BAHCC1: variants seen among roughly 807,000 people sequenced by gnomAD.
The protein encoded by BAHCC1 is BAH and coiled-coil domain-containing protein 1.
In BAHCC1, 43 loss-of-function variants were observed where a neutral mutation model predicts 88.2. That is an observed-to-expected ratio of 0.49 (90% CI 0.38 to 0.63). The LOEUF (loss-of-function observed/expected upper bound fraction) is 0.63. BAHCC1 is among the 20% of genes least tolerant of loss of function. The pLI, the probability that BAHCC1 is intolerant of heterozygous loss-of-function variation, is 0.00. For missense variants in BAHCC1, 3,023 were observed against 1,654.8 expected (o/e 1.83, Z -14.34); for synonymous variants, 1,510 against 745.5 (o/e 2.03, Z -16.71).
Position 81,462,012 on chromosome 17 carries a change from G to T in BAHCC1, c.7349G>T (p.Arg2450Leu). The change falls in exon 26 of 28, where the codon CGG becomes CTG. Residue 2450 changes from arginine to leucine, a missense_variant. Arg to Leu is a moderately radical substitution (Grantham distance 102). Coordinates refer to ENST00000675386, the MANE Select transcript of BAHCC1 (RefSeq NM_001377448.1). ...RPKISAFLPA[R>L]QLWKWSGNPT... ...AAGATCTCAGCCTTCCTGCCCGCCCGGCAGCTCTGGAAGTGGTCGGGGAAT... is the reference window on the plus strand; with the variant it reads ...AAGATCTCAGCCTTCCTGCCCGCCCTGCAGCTCTGGAAGTGGTCGGGGAAT... 1 of 778,094 alleles carries T rather than the reference G, an allele frequency of 1.3e-6. No individual in the cohort carries two copies. The allele number at this position is 778,094 out of a possible 1,614,324, so 48.2% of individuals were successfully genotyped here. A position where few individuals can be genotyped will look rare whatever the true frequency, so the allele number is the denominator to read the frequency against.
At position 81,465,723 on chromosome 17, in the gene BAHCC1, C is replaced by G. The variant is rs1359275658; in HGVS notation, c.*1906C>G. On this transcript the variant is annotated 3_prime_UTR_variant, in exon 28 of 28. Transcript: ENST00000675386. ...CTGTTTCTCACCTGCTGGCTGGACC[C>G]CCTGAAGGGCCGTTCCCAGAGGCTC... The G allele has an allele frequency of 6.6e-6, 1 of 152,314 alleles. No individual in the cohort carries two copies. The highest frequency in any genetic ancestry group is 2.4e-5 in the African/African-American group (1 of 41,484). The allele number at this position is 152,314 out of a possible 1,614,324, so 9.4% of individuals were successfully genotyped here.
At chr17:81,432,614 A>ATC (rs2064276843) in intron 3 of BAHCC1, among the ~76,000 whole-genome samples, 3 of 46,138 alleles carry the variant, frequency 6.5e-5, no homozygotes, top group African/African-American at 4.1e-4. Context: ...CTCCGTCCCC[A>ATC]GCCCTGGACC....
intron 11 of BAHCC1, among the ~76,000 whole-genome samples, chr17:81,450,157 C>T (rs1555655485): frequency 6.6e-6 from 1 of 152,136 alleles, no homozygotes; most frequent in African/African-American, 2.4e-5. Flanking sequence ...CTGGGCTTTC[C>T]CAGGGGATAC....
At position 81,395,486 on chromosome 17, in the gene BAHCC1, T is replaced by G. The variant is rs1413939012; in HGVS notation, c.-356T>G. Reference sequence around the variant, plus strand: ...CAGGCTGCAGGTTTGAGAGCCGCTCTGGATGGGCTCGCTAGAGTCGTTGTT... The same window carrying G: ...CAGGCTGCAGGTTTGAGAGCCGCTCGGGATGGGCTCGCTAGAGTCGTTGTT... On this transcript the variant is annotated 5_prime_UTR_variant, in exon 1 of 28. Transcript: ENST00000675386. 1.3e-5 allele frequency: 2 copies of G among 152,264 alleles called. No individual in the cohort carries two copies. The highest frequency in any genetic ancestry group is 2.9e-5 in the Non-Finnish European group (2 of 68,054). The allele number at this position is 152,264 out of a possible 1,614,324, so 9.4% of individuals were successfully genotyped here.
rs1475399320 is a variant in BAHCC1 at position 81,465,346 on chromosome 17, A to T, written c.*1529A>T. 1 of 152,110 alleles carries T rather than the reference A, an allele frequency of 6.6e-6. No homozygotes were observed. The highest frequency in any genetic ancestry group is 1.5e-5 in the Non-Finnish European group (1 of 68,038). 9.4% of individuals were successfully genotyped at this position (152,110 alleles called of 1,614,324 possible). A position where few individuals can be genotyped will look rare whatever the true frequency, so the allele number is the denominator to read the frequency against. ...GGGTCCCCCTGACCACCTGAGCCCA[A>T]ATCCTGGCCCCAGGTGCAAGCAGCA... On this transcript the variant is annotated 3_prime_UTR_variant, in exon 28 of 28. Coordinates refer to ENST00000675386, the MANE Select transcript of BAHCC1 (RefSeq NM_001377448.1).
intron 11 of BAHCC1, among the ~76,000 whole-genome samples, chr17:81,449,594 A>G (rs1757376718): frequency 6.6e-6 from 1 of 151,886 alleles, no homozygotes; most frequent in African/African-American, 2.4e-5. Flanking sequence ...AACTGCAGTG[A>G]CCCCAGGAGA....
chr17:81,404,894 T>C (rs1483120158), intron 2 of BAHCC1, among the ~76,000 whole-genome samples: 1 of 152,188 alleles, frequency 6.6e-6, no homozygotes, highest in African/African-American at 2.4e-5. Flanking sequence ...AATCACTGAA[T>C]GCTGCTTTCA....
At chr17:81,452,950 C>T (rs774467808) in intron 14 of BAHCC1, 99 bp downstream of exon 14, 21 of 613,278 alleles carry the variant, frequency 3.4e-5, no homozygotes, top group African/African-American at 5.9e-5. Context: ...TTCCAGGCTG[C>T]TGGTGCCCCT....
At chr17:81,398,222 G>A (rs1353446128) in intron 1 of BAHCC1, among the ~76,000 whole-genome samples, 2 of 152,216 alleles carry the variant, frequency 1.3e-5, no homozygotes, top group Non-Finnish European at 2.9e-5. Context: ...TCCAGGGAGC[G>A]CCTTCGGAGG....
rs2064367176 is a variant in BAHCC1, at chr17:81,438,444, A to G, written c.433A>G (p.Asn145Asp). Residue 145 changes from asparagine (N) to aspartate (D), a missense_variant, in exon 4 of 28, where the codon AAC (asparagine) becomes GAC (aspartate). Coordinates refer to ENST00000675386, the MANE Select transcript of BAHCC1 (RefSeq NM_001377448.1). ...CGTGAGCCACTTGGATCACCATGGA[A>G]ACAGCAACGTTCTCTATGGGCAGCA... ...LPVSHLDHHG[N>D]SNVLYGQHRF... The G allele has an allele frequency of 1.3e-6, 1 of 777,510 alleles. No homozygotes were observed. The highest frequency in any genetic ancestry group is 1.3e-5 in the South Asian group (1 of 74,114). The allele number at this position is 777,510 out of a possible 1,614,324, so 48.2% of individuals were successfully genotyped here.
Position 81,411,098 on chromosome 17 carries a change from T to C in BAHCC1, c.178+11181T>C, listed in dbSNP as rs781878695. ...CCCTCTCTCTGGGGTCACGCTCCCT[T>C]GTTCTCAGTCCCGCAGCCGTCCTCT... On this transcript the variant is annotated intron_variant, in intron 2 of 27. Coordinates refer to ENST00000675386, the MANE Select transcript of BAHCC1 (RefSeq NM_001377448.1). This position sits in a 1 kb window ranked among gnomAD's most constrained non-coding sequence, Gnocchi z 6.2. 1.9e-6 allele frequency: 1 copy of C among 519,282 alleles called. No individual in the cohort carries two copies. The highest frequency in any genetic ancestry group is 1.4e-5 in the South Asian group (1 of 71,580). 32.2% of individuals were successfully genotyped at this position (519,282 alleles called of 1,614,324 possible).
In BAHCC1 at chr17:81,461,194, C is replaced by T; in HGVS notation, c.6531C>T (p.Pro2177=). The T allele has an allele frequency of 2.7e-6, 2 of 737,626 alleles. No homozygotes were observed. The highest frequency in any genetic ancestry group is 5.0e-6 in the Non-Finnish European group (2 of 402,292). 45.7% of individuals were successfully genotyped at this position (737,626 alleles called of 1,614,324 possible). A position where few individuals can be genotyped will look rare whatever the true frequency, so the allele number is the denominator to read the frequency against. The change falls in exon 26 of 28, where the codon CCC becomes CCT. Residue 2177 remains proline, a synonymous_variant. Coordinates refer to ENST00000675386, the MANE Select transcript of BAHCC1 (RefSeq NM_001377448.1). The part of the protein sequence containing the change: ...PFVGGTGPGL[P]RGAHKLLRAK... ...TCGGGGGGACCGGGCCGGGCCTCCC[C>T]AGGGGAGCCCACAAGCTGCTGCGGG...
rs2143647802 is a variant in BAHCC1, at chr17:81,459,416, C to A, written c.5797-80C>A. On this transcript the variant is annotated intron_variant, in intron 22 of 27. Coordinates refer to ENST00000675386, the MANE Select transcript of BAHCC1 (RefSeq NM_001377448.1). ...GGCCTTGGCCTGGGCCGCAGCCACT[C>A]CCAGGCCCAGGGACCAGACTCTCAG... is the stretch of plus-strand genomic sequence containing the variant. 3 of 763,348 alleles carry A rather than the reference C, an allele frequency of 3.9e-6. No homozygotes were observed. In the East Asian group the frequency reaches 7.4e-5, roughly 19 times the overall value. 47.3% of individuals were successfully genotyped at this position (763,348 alleles called of 1,614,324 possible).
chr17:81,461,093 G>A lies in BAHCC1; in HGVS notation c.6430G>A (p.Val2144Met), dbSNP rs150006793. The A allele has an allele frequency of 2.9e-4, 220 of 768,224 alleles. 1 individual carries two copies. In the East Asian group the frequency reaches 4.7e-3, roughly 16 times the overall value. 47.6% of individuals were successfully genotyped at this position (768,224 alleles called of 1,614,324 possible). A position where few individuals can be genotyped will look rare whatever the true frequency, so the allele number is the denominator to read the frequency against. Residue 2144 changes from valine (V) to methionine (M), a missense_variant, in exon 26 of 28, where the codon GTG becomes ATG. Transcript: ENST00000675386. ...CGAGGCCCTGTTCCCCGTGCACAGCGTGGCCACACCCATATTTGGCAACGG... is the reference window on the plus strand; with the variant it reads ...CGAGGCCCTGTTCCCCGTGCACAGCATGGCCACACCCATATTTGGCAACGG... ...AREALFPVHS[V>M]ATPIFGNGFR...
At chr17:81,421,731 G>A (rs111376695) in intron 2 of BAHCC1, among the ~76,000 whole-genome samples, 36 of 152,342 alleles carry the variant, frequency 2.4e-4, no homozygotes, top group Non-Finnish European at 4.0e-4. Flanking sequence ...TCCCGTCTCC[G>A]AGGTGCTGGC....
intron 2 of BAHCC1, among the ~76,000 whole-genome samples, chr17:81,408,613 C>G (rs948683763): frequency 6.6e-6 from 1 of 152,142 alleles, no homozygotes; most frequent in Non-Finnish European, 1.5e-5. Flanking sequence ...GGAGAGGGGT[C>G]CCCGACTGCT....
chr17:81,400,302 C>T (rs1267571291), intron 2 of BAHCC1, among the ~76,000 whole-genome samples: 1 of 152,208 alleles, frequency 6.6e-6, no homozygotes. Flanking sequence ...GCGCTTTCTG[C>T]GGAAACAAAA....
At chr17:81,426,683 G>A (rs1218469780) in intron 2 of BAHCC1, 117 bp from the exon 3 acceptor site, 3 of 398,126 alleles carry the variant, frequency 7.5e-6, no homozygotes, top group Non-Finnish European at 4.4e-6. Context: ...CAAAGGCTCT[G>A]GGGGAGATTG....
At chr17:81,429,562 G>A (rs1413607226) in intron 3 of BAHCC1, among the ~76,000 whole-genome samples, 13 of 152,156 alleles carry the variant, frequency 8.5e-5, no homozygotes, top group Admixed American at 5.9e-4. Context: ...CTCCCCGTGC[G>A]CCGGGCCTGT....
Sources: gnomAD v4.1 joint callset for allele counts (sites outside exome capture counted in the v4.1 genomes callset) on GRCh38, gnomAD v4.1.1 for gene constraint, Gnocchi (gnomAD v3.1) non-coding constraint, MANE v1.5 for transcripts, NCBI Gene and HGNC (gene_info 2026-07-23, HGNC 2026-07-21) for gene names.